Variants in SLCO1A2 observed in about 807,000 individuals in gnomAD.
SLCO1A2 encodes OATP-1.
SLCO1A2 carries 67 observed loss-of-function variants against 69.0 expected under a neutral mutation model. That is an observed-to-expected ratio of 0.97 (90% CI 0.80 to 1.19). The LOEUF is 1.19. SLCO1A2 is among the 50% of genes most tolerant of loss of function. SLCO1A2 has a pLI of 0.00. For synonymous variants in SLCO1A2, 260 were observed against 265.9 expected (o/e 0.98, Z 0.22); for missense variants, 787 against 793.7 (o/e 0.99, Z 0.10).
intron 1 of SLCO1A2, chr12:21,394,757 G>A (rs1038821060): frequency 1.3e-5 from 2 of 152,046 alleles, no homozygotes; most frequent in African/African-American, 4.8e-5. Flanking sequence ...CGAGAGGCTT[G>A]TATAACAGTT....
intron 1 of SLCO1A2, among the ~76,000 whole-genome samples, chr12:21,408,797 CG>C (rs1941864178): frequency 6.6e-6 from 1 of 151,944 alleles, no homozygotes; most frequent in African/African-American, 2.4e-5. Flanking sequence ...AGAATAGTCA[CG>C]GCAAAAAGTG....
At position 21,351,895 on chromosome 12, in the gene SLCO1A2, T is replaced by C. The variant is rs185062438; in HGVS notation, c.-62-17186A>G. On this transcript the variant is annotated intron_variant, in intron 2 of 15. Coordinates refer to the SLCO1A2 transcript ENST00000307378. ...ACGTTTCTAAATATCTGAGGTCAGA[T>C]AAATACTACACAAGCTCACCAACAT... Among the ~76,000 whole-genome samples the C allele has an allele frequency of 2.8e-3, 426 of 152,260 alleles. 3 individuals carry two copies. Among genetic ancestry groups the C allele is most frequent in the East Asian group, 4.3e-3 (22 of 5,174 alleles).
At chr12:21,348,099 CCT>C (rs1427111115) in intron 2 of SLCO1A2, among the ~76,000 whole-genome samples, 1 of 152,080 alleles carries the variant, frequency 6.6e-6, no homozygotes, top group African/African-American at 2.4e-5. Flanking sequence ...AGGACCATTC[CCT>C]TTTTTAAAAC....
At position 21,297,501 on chromosome 12, in the gene SLCO1A2, C is replaced by T; in HGVS notation, c.978G>A (p.Val326=). 3 of 1,608,644 alleles carry T rather than the reference C, an allele frequency of 1.9e-6. No homozygotes were observed. The highest frequency in any genetic ancestry group is 1.7e-6 in the Non-Finnish European group (2 of 1,176,402). ...TGTTAACGAATGCATTGAACTGTAT[C>T]ACACTTACAAGTATGAAAAGCATAT... ...PIYMLFILVS[V]IQFNAFVNMI... The change falls in exon 9 of 15, where the codon GTG becomes GTA. Residue 326 remains valine, a synonymous_variant. Transcript: ENST00000683939.
At chr12:21,395,123 C>G (rs1941376602) in exon 1 of SLCO1A2, 1 of 156,580 alleles carries the variant, frequency 6.4e-6, no homozygotes, top group South Asian at 2.0e-4. Context: ...GGGTTCATCT[C>G]ACTAGGGAGT....
At chr12:21,415,829 G>A (rs995525917) in intron 1 of SLCO1A2, among the ~76,000 whole-genome samples, 9 of 151,694 alleles carry the variant, frequency 5.9e-5, no homozygotes, top group African/African-American at 2.2e-4. Context: ...TTTAATTCTA[G>A]AAAGTTAGCA....
chr12:21,330,457 T>C (rs1952540924), intron 2 of SLCO1A2, among the ~76,000 whole-genome samples: 2 of 152,006 alleles, frequency 1.3e-5, no homozygotes, highest in South Asian at 4.1e-4. Context: ...TGCAGTGAAC[T>C]GAGATTGTGC....
At chr12:21,402,630 G>A (rs1941742864) in intron 1 of SLCO1A2, among the ~76,000 whole-genome samples, 1 of 152,032 alleles carries the variant, frequency 6.6e-6, no homozygotes, top group Admixed American at 6.6e-5. Flanking sequence ...TCTTATCTAA[G>A]GATTTAGGGA....
chr12:21,283,498 C>T (rs1414051314), intron 12 of SLCO1A2, among the ~76,000 whole-genome samples: 1 of 152,036 alleles, frequency 6.6e-6, no homozygotes, highest in Non-Finnish European at 1.5e-5. Flanking sequence ...CTCTCCAGGA[C>T]ATTGGACTGA....
intron 2 of SLCO1A2, among the ~76,000 whole-genome samples, chr12:21,366,372 G>T (rs1939382929): frequency 6.7e-6 from 1 of 149,426 alleles, no homozygotes; most frequent in African/African-American, 2.5e-5. Flanking sequence ...ACACAGGGTG[G>T]GGAACATCAC....
At chr12:21,283,478 A>T (rs1945182571) in intron 12 of SLCO1A2, among the ~76,000 whole-genome samples, 1 of 152,188 alleles carries the variant, frequency 6.6e-6, no homozygotes, top group South Asian at 2.1e-4. Flanking sequence ...GCAAGAAAAC[A>T]TTCAGGAAAC....
At chr12:21,272,102 C>T (rs911211205) in intron 14 of SLCO1A2, among the ~76,000 whole-genome samples, 4 of 151,566 alleles carry the variant, frequency 2.6e-5, no homozygotes, top group African/African-American at 9.7e-5. Context: ...TATAGACTTT[C>T]ATCTCCATTG....
At chr12:21,337,532 G>GA (rs35589853), upstream of SLCO1A2, among the ~76,000 whole-genome samples, 14,796 of 150,052 alleles carry the variant, frequency 0.099, 984 homozygotes, top group Non-Finnish European at 0.14. Flanking sequence ...TTTCCCTAGG[G>GA]AAAAAAAAAA....
chr12:21,368,917 T>A (rs947932613), intron 2 of SLCO1A2, among the ~76,000 whole-genome samples: 1 of 152,234 alleles, frequency 6.6e-6, no homozygotes, highest in Admixed American at 6.5e-5. Context: ...ATATAAAATG[T>A]AAATTTAATA....
intron 1 of SLCO1A2, among the ~76,000 whole-genome samples, chr12:21,383,522 A>T (rs1053026996): frequency 1.3e-5 from 2 of 152,034 alleles, no homozygotes; most frequent in Non-Finnish European, 2.9e-5. Flanking sequence ...CACCTCTGGG[A>T]TCTACACTGT....
chr12:21,367,808 T>C (rs990474784), intron 2 of SLCO1A2, among the ~76,000 whole-genome samples: 1 of 151,410 alleles, frequency 6.6e-6, no homozygotes, highest in East Asian at 1.9e-4. Context: ...AATTTTAATA[T>C]GAAAAAGACA....
intron 8 of SLCO1A2, 139 bp from the exon 9 acceptor site, chr12:21,297,707 C>T: frequency 3.3e-6 from 2 of 600,392 alleles, no homozygotes; most frequent in South Asian, 5.3e-5. Flanking sequence ...ATTCTTTTTT[C>T]CCCTTGAAAG....
chr12:21,294,507 G>A (rs1287414453), intron 10 of SLCO1A2: 1 of 153,242 alleles, frequency 6.5e-6, no homozygotes, highest in Non-Finnish European at 1.5e-5. Context: ...TTGTAATATA[G>A]ATAATACATT....
intron 11 of SLCO1A2, 55 bp downstream of exon 11, chr12:21,293,890 T>C (rs1947300381): frequency 1.4e-6 from 2 of 1,453,046 alleles, no homozygotes; most frequent in East Asian, 4.8e-5. Context: ...GCCCAGTTCA[T>C]AGTTGGGAAG....
Sources: allele counts gnomAD v4.1 joint callset (sites outside exome capture counted in the v4.1 genomes callset), GRCh38; gene constraint gnomAD v4.1.1; transcripts MANE v1.5; gene names NCBI Gene and HGNC (gene_info 2026-07-23, HGNC 2026-07-21).